The following ABHD18 variants were observed in gnomAD, a reference collection of about 807,000 sequenced individuals.
ABHD18 encodes the protein cardiolipin-specific deacylase, mitochondrial.
ABHD18 carries 55 observed loss-of-function variants against 65.9 expected under a neutral mutation model. That is an observed-to-expected ratio of 0.84 (90% CI 0.67 to 1.05). The LOEUF (loss-of-function observed/expected upper bound fraction) is 1.05, where lower values mean the gene tolerates loss of function less well. ABHD18 is among the 50% of genes least tolerant of loss of function. The pLI is 0.00. For missense variants in ABHD18, 533 were observed against 558.5 expected (o/e 0.95, Z 0.46); for synonymous variants, 181 against 180.2 (o/e 1.00, Z -0.04).
intron 4 of ABHD18, among the ~76,000 whole-genome samples, chr4:127,998,248 T>G (rs898622172): frequency 4.7e-4 from 71 of 151,826 alleles, no homozygotes; most frequent in African/African-American, 1.4e-3. Flanking sequence ...TGGTCTCATT[T>G]GTCTTATCCT....
At chr4:127,987,329 G>A (rs1257981369) in intron 3 of ABHD18, among the ~76,000 whole-genome samples, 2 of 152,048 alleles carry the variant, frequency 1.3e-5, no homozygotes, top group African/African-American at 4.8e-5. Flanking sequence ...TCCAGTCTTG[G>A]CAACAGAGTG....
At chr4:127,996,079 G>A (rs1751681732) in intron 4 of ABHD18, among the ~76,000 whole-genome samples, 1 of 152,220 alleles carries the variant, frequency 6.6e-6, no homozygotes, top group Admixed American at 6.5e-5. Flanking sequence ...AAGTTGAAAG[G>A]AGTGTGGATG....
chr4:127,982,715 C>CT (rs1749270630), intron 1 of ABHD18, among the ~76,000 whole-genome samples: 1 of 152,138 alleles, frequency 6.6e-6, no homozygotes, highest in Non-Finnish European at 1.5e-5. Flanking sequence ...TGGGAAGATC[C>CT]TACCCTAGAG....
rs764760689 is a variant in ABHD18, at chr4:128,009,210, T to G, written c.442+19T>G. 3 of 1,368,080 alleles carry G rather than the reference T, an allele frequency of 2.2e-6. No individual in the cohort carries two copies. Among genetic ancestry groups the G allele is most frequent in the Non-Finnish European group, 2.9e-6 (3 of 1,041,606 alleles). 84.7% of individuals were successfully genotyped at this position (1,368,080 alleles called of 1,614,324 possible). A position where few individuals can be genotyped will look rare whatever the true frequency, so the allele number is the denominator to read the frequency against. ...CCTTATTATATCCTTTTGTGATATC[T>G]AAGAAATCTTTTGCCTTGTTTATTT... On this transcript the variant is annotated intron_variant, in intron 6 of 12. Transcript: ENST00000645843.
At chr4:128,003,672 A>G (rs558228076) in intron 4 of ABHD18, among the ~76,000 whole-genome samples, 44 of 152,202 alleles carry the variant, frequency 2.9e-4, no homozygotes, top group Admixed American at 5.2e-4. Context: ...TTTTTCTGGC[A>G]TGTAAATTAG....
chr4:128,031,100 A>G, intron 12 of ABHD18: 2 of 989,234 alleles, frequency 2.0e-6, no homozygotes, highest in Middle Eastern at 5.2e-4. Context: ...ACCTTAAATA[A>G]GAAGTGCTTT....
chr4:127,969,997 T>G (rs905507236), intron 1 of ABHD18, among the ~76,000 whole-genome samples: 3 of 151,818 alleles, frequency 2.0e-5, no homozygotes, highest in African/African-American at 7.3e-5. Flanking sequence ...AGTCCTCCCG[T>G]CTTGGCCTCC....
Position 127,989,674 on chromosome 4 carries a change from G to A in ABHD18, c.178-47G>A, listed in dbSNP as rs1410865460. The A allele has an allele frequency of 3.8e-6, 5 of 1,300,392 alleles. No homozygotes were observed. In the African/African-American group the frequency reaches 7.4e-5, roughly 19 times the overall value. 80.6% of individuals were successfully genotyped at this position (1,300,392 alleles called of 1,614,324 possible). A position where few individuals can be genotyped will look rare whatever the true frequency, so the allele number is the denominator to read the frequency against. ...TAGAAGAACATCCATGACAGACCAAGATATCTTAGTTTTCTTGCATACATC... is the reference window on the plus strand; with the variant it reads ...TAGAAGAACATCCATGACAGACCAAAATATCTTAGTTTTCTTGCATACATC... On this transcript the variant is annotated intron_variant, in intron 3 of 12. Transcript: ENST00000645843.
chr4:128,007,121 G>C (rs148796744), intron 4 of ABHD18, among the ~76,000 whole-genome samples: 15 of 151,810 alleles, frequency 9.9e-5, no homozygotes, highest in African/African-American at 3.6e-4. Flanking sequence ...CTCCAGCCTG[G>C]GCAACAAGAG....
rs770589859 is a variant in ABHD18, at chr4:128,020,053, A to G, written c.610-27A>G. 9 of 1,468,248 alleles carry G rather than the reference A, an allele frequency of 6.1e-6. No individual in the cohort carries two copies. In the Admixed American group the frequency reaches 1.6e-4, roughly 26 times the overall value. 91.0% of individuals were successfully genotyped at this position (1,468,248 alleles called of 1,614,324 possible). On this transcript the variant is annotated intron_variant, in intron 8 of 12. Transcript: ENST00000645843. ...ATTTTAATGAATAGAAACTCTAAAT[A>G]GACGCTCTCTATCTGTTATATTACA... is the stretch of plus-strand genomic sequence containing the variant.
At chr4:127,989,659 T>A (rs1579220909) in intron 3 of ABHD18, 62 bp from the exon 4 acceptor site, 3 of 1,130,934 alleles carry the variant, frequency 2.7e-6, no homozygotes, top group East Asian at 5.2e-5. Context: ...TAGAAGAACA[T>A]CCATGACAGA....
intron 3 of ABHD18, among the ~76,000 whole-genome samples, 191 bp from the exon 4 acceptor site, chr4:127,989,530 T>C (rs1750567058): frequency 6.6e-6 from 1 of 152,184 alleles, no homozygotes; most frequent in Non-Finnish European, 1.5e-5. Flanking sequence ...ACATCACATG[T>C]ACCCCATAAT....
chr4:127,982,310 T>C (rs1749200821), intron 1 of ABHD18, among the ~76,000 whole-genome samples: 1 of 152,174 alleles, frequency 6.6e-6, no homozygotes, highest in Non-Finnish European at 1.5e-5. Flanking sequence ...GGTAGATACT[T>C]AAAAATCTTT....
intron 12 of ABHD18, among the ~76,000 whole-genome samples, chr4:128,032,744 G>T (rs997422956): frequency 1.3e-5 from 2 of 151,880 alleles, no homozygotes; most frequent in African/African-American, 2.4e-5. Context: ...ATGAATGAAT[G>T]AATAAATAAA....
chr4:127,980,475 AAG>A (rs1430033521), intron 1 of ABHD18, among the ~76,000 whole-genome samples: 4 of 152,116 alleles, frequency 2.6e-5, no homozygotes, highest in Admixed American at 1.3e-4. Context: ...AAAGATCAGA[AAG>A]AGTAGAATCC....
chr4:127,988,037 C>T (rs752478612), intron 3 of ABHD18, among the ~76,000 whole-genome samples: 6 of 151,910 alleles, frequency 3.9e-5, no homozygotes, highest in Admixed American at 6.6e-5. Flanking sequence ...GTCAACACAG[C>T]GTGATATTGG....
At chr4:127,966,659 C>T (rs1026503999) in intron 1 of ABHD18, among the ~76,000 whole-genome samples, 1 of 128,016 alleles carries the variant, frequency 7.8e-6, no homozygotes, top group Non-Finnish European at 1.6e-5. Flanking sequence ...GAGATCGAGA[C>T]CATCCTGGCT....
At chr4:127,972,116 C>A (rs114162125) in intron 1 of ABHD18, among the ~76,000 whole-genome samples, 79 of 152,312 alleles carry the variant, frequency 5.2e-4, no homozygotes, top group African/African-American at 1.9e-3. Context: ...AACTCAGGAA[C>A]AGCCCAATGA....
At position 127,984,376 on chromosome 4, in the gene ABHD18, A is replaced by G. The variant is rs1376272596; in HGVS notation, c.130A>G (p.Arg44Gly). The G allele has an allele frequency of 6.4e-7, 1 of 1,550,982 alleles. No individual in the cohort carries two copies. Among genetic ancestry groups the G allele is most frequent in the Non-Finnish European group, 8.7e-7 (1 of 1,145,972 alleles). ...CAGAAAGATGATTGGAAATCGGGAA[A>G]GATGCCAGAATCTGGTTTCAAGCGA... is the stretch of plus-strand genomic sequence containing the variant. ...EFRKMIGNRE[R>G]CQNLVSSDYP... is the part of the protein sequence containing the mutation. Residue 44 changes from arginine (R) to glycine (G), a missense_variant, in exon 3 of 13, where the codon AGA (arginine) becomes GGA (glycine). Coordinates refer to ENST00000645843, the MANE Select transcript of ABHD18 (RefSeq NM_001358451.3).
Sources: allele counts gnomAD v4.1 joint callset (sites outside exome capture counted in the v4.1 genomes callset), GRCh38; gene constraint gnomAD v4.1.1; transcripts MANE v1.5; gene names NCBI Gene and HGNC (gene_info 2026-07-23, HGNC 2026-07-21).